The following SEMA6D variants were observed in gnomAD, a reference collection of about 807,000 sequenced individuals.
SEMA6D encodes semaphorin-6D.
Under a neutral mutation model 106.6 loss-of-function variants are expected in SEMA6D, and 35 were observed. The ratio of observed to expected loss-of-function variants is 0.33; its 90% CI spans 0.25 to 0.44. SEMA6D has a LOEUF of 0.44. Ranked by LOEUF, SEMA6D falls within the 20% of genes least tolerant of loss-of-function variation. SEMA6D has a pLI of 1.00. For missense variants in SEMA6D, 1,185 were observed against 1,345.9 expected (o/e 0.88, Z 1.87); for synonymous variants, 499 against 487.7 (o/e 1.02, Z -0.31).
chr15:47,189,358 G>T (rs535118918), intron 1 of SEMA6D, among the ~76,000 whole-genome samples: 6 of 152,234 alleles, frequency 3.9e-5, no homozygotes, highest in South Asian at 2.1e-4. Context: ...AGTAGTTAAC[G>T]TTTAAGCACC....
intron 3 of SEMA6D, among the ~76,000 whole-genome samples, chr15:47,524,790 A>C (rs916061792): frequency 6.6e-6 from 1 of 152,204 alleles, no homozygotes; most frequent in Non-Finnish European, 1.5e-5. Flanking sequence ...TACATTGCTT[A>C]ATAATTGCTT....
At chr15:47,403,796 G>C (rs2040472840) in intron 1 of SEMA6D, among the ~76,000 whole-genome samples, 2 of 152,064 alleles carry the variant, frequency 1.3e-5, no homozygotes, top group South Asian at 4.1e-4. Flanking sequence ...AGATGGGGCT[G>C]GCTCTTCCTT....
In SEMA6D at chr15:47,286,907, C is replaced by T. The variant is rs183506647; in HGVS notation, c.-239+102489C>T. On this transcript the variant is annotated intron_variant, in intron 1 of 19. Transcript: ENST00000558014. ...CAATGTGACATTAAAGAGATTTAAG[C>T]CACCTGTTTCAAAAATGGAGCTATT... 5.3e-5 allele frequency among the ~76,000 whole-genome samples: 8 copies of T among 152,242 alleles called. No homozygotes were observed. The East Asian group carries it at 1.5e-3, about 29-fold the overall frequency.
chr15:47,268,931 C>G (rs62014041), intron 1 of SEMA6D, among the ~76,000 whole-genome samples: 1,825 of 152,060 alleles, frequency 0.012, 33 homozygotes, highest in Admixed American at 0.013. Flanking sequence ...GTTAGAGAGG[C>G]CTTGCTTAGT....
At chr15:47,676,166 G>A (rs2078241706) in intron 4 of SEMA6D, among the ~76,000 whole-genome samples, 1 of 152,156 alleles carries the variant, frequency 6.6e-6, no homozygotes, top group South Asian at 2.1e-4. Flanking sequence ...TCACCATTTT[G>A]TTTGGCTTCT....
At chr15:47,588,464 C>G (rs1046243689) in intron 3 of SEMA6D, among the ~76,000 whole-genome samples, 1 of 152,156 alleles carries the variant, frequency 6.6e-6, no homozygotes, top group African/African-American at 2.4e-5. Flanking sequence ...CCTGCCTTTC[C>G]TCTTTTGTAA....
intron 1 of SEMA6D, among the ~76,000 whole-genome samples, chr15:47,408,470 C>G (rs575271660): frequency 5.3e-5 from 8 of 152,260 alleles, no homozygotes; most frequent in African/African-American, 1.9e-4. Flanking sequence ...TCACACTATC[C>G]TTATCTATAA....
At chr15:47,336,159 G>A (rs1350406341) in intron 1 of SEMA6D, among the ~76,000 whole-genome samples, 3 of 152,214 alleles carry the variant, frequency 2.0e-5, no homozygotes, top group Non-Finnish European at 4.4e-5. Flanking sequence ...AGGTTTATGT[G>A]ATTATGAAGT....
chr15:47,330,926 A>C (rs2037318800), intron 1 of SEMA6D, among the ~76,000 whole-genome samples: 1 of 152,162 alleles, frequency 6.6e-6, no homozygotes, highest in Admixed American at 6.5e-5. Context: ...CTGCTTATGG[A>C]TATGAAAGGA....
chr15:47,645,748 G>A (rs1415506412), intron 4 of SEMA6D, among the ~76,000 whole-genome samples: 1 of 152,088 alleles, frequency 6.6e-6, no homozygotes, highest in Non-Finnish European at 1.5e-5. Context: ...CGGGTGGTTG[G>A]CCTGTGCTTC....
intron 1 of SEMA6D, among the ~76,000 whole-genome samples, chr15:47,362,744 G>T (rs1378081410): frequency 1.3e-5 from 2 of 152,136 alleles, no homozygotes; most frequent in African/African-American, 4.8e-5. Flanking sequence ...TGAGGAAGAG[G>T]GGGAGGAGGC....
Position 47,734,396 on chromosome 15 carries a change from A to G in SEMA6D, c.-55+16704A>G, listed in dbSNP as rs149059150. ...GTGACCTGGAGCTGCACTTGGTCCC[A>G]TGCTTGGAATGTTCTGCTGTTGCCA... On this transcript the variant is annotated intron_variant, in intron 1 of 18. Coordinates refer to ENST00000536845, the MANE Select transcript of SEMA6D (RefSeq NM_001358351.3). Among the ~76,000 whole-genome samples the G allele has an allele frequency of 7.0e-3, 1,073 of 152,288 alleles. 5 individuals are homozygous for G. The highest frequency in any genetic ancestry group is 0.012 in the Non-Finnish European group (802 of 68,014).
Position 47,494,520 on chromosome 15 carries a change from A to G in SEMA6D, c.-87+23975A>G, listed in dbSNP as rs541557697. Among the ~76,000 whole-genome samples the G allele has an allele frequency of 4.0e-5, 6 of 151,744 alleles. No homozygotes were observed. The South Asian group carries it at 1.0e-3, about 26-fold the overall frequency. On this transcript the variant is annotated intron_variant, in intron 3 of 19. Transcript: ENST00000558014. ...AAATTCAGGCTTTAAAAGTTTTCCC[A>G]TTAAGTTTTATGCATCTTGAACATA... is the stretch of plus-strand genomic sequence containing the variant.
chr15:47,397,230 G>A (rs963934403), intron 1 of SEMA6D, among the ~76,000 whole-genome samples: 4 of 152,138 alleles, frequency 2.6e-5, no homozygotes, highest in Non-Finnish European at 5.9e-5. Flanking sequence ...TTAGGCCTAG[G>A]TAGTATGTGG....
At chr15:47,394,580 A>G (rs1379381442) in intron 1 of SEMA6D, among the ~76,000 whole-genome samples, 1 of 152,190 alleles carries the variant, frequency 6.6e-6, no homozygotes, top group Non-Finnish European at 1.5e-5. Flanking sequence ...GGCTGCTTTC[A>G]GTTCTTGCTG....
intron 4 of SEMA6D, among the ~76,000 whole-genome samples, chr15:47,609,462 GT>G (rs1566932299): frequency 6.6e-6 from 1 of 152,140 alleles, no homozygotes; most frequent in Non-Finnish European, 1.5e-5. Flanking sequence ...TCAGTGGCCA[GT>G]TTTTTCTGCC....
intron 2 of SEMA6D, among the ~76,000 whole-genome samples, chr15:47,461,692 A>G (rs956324851): frequency 6.6e-5 from 10 of 152,110 alleles, no homozygotes; most frequent in Non-Finnish European, 1.0e-4. Flanking sequence ...TCAATGAGTC[A>G]TTCTATTTGG....
chr15:47,237,816 G>C (rs2032649879), intron 1 of SEMA6D, among the ~76,000 whole-genome samples: 4 of 152,074 alleles, frequency 2.6e-5, no homozygotes, highest in Admixed American at 2.6e-4. Context: ...CTGGAGGTCT[G>C]TTTCTGGAAG....
intron 4 of SEMA6D, among the ~76,000 whole-genome samples, chr15:47,703,665 A>G (rs1460055713): frequency 3.3e-5 from 5 of 152,202 alleles, no homozygotes; most frequent in Non-Finnish European, 7.3e-5. Flanking sequence ...ATTATTATAT[A>G]GATAATTCTG....
Sources: gnomAD v4.1 joint callset for allele counts (sites outside exome capture counted in the v4.1 genomes callset) on GRCh38, gnomAD v4.1.1 for gene constraint, MANE v1.5 for transcripts, NCBI Gene and HGNC (gene_info 2026-07-23, HGNC 2026-07-21) for gene names.